DENND5B: variants seen among roughly 807,000 people sequenced by gnomAD.
DENND5B encodes the protein DENN domain-containing protein 5B.
A neutral mutation model predicts 140.6 loss-of-function variants in DENND5B; 34 were observed. That is an observed-to-expected ratio of 0.24 (90% CI 0.18 to 0.32). The LOEUF is 0.32. Ranked by LOEUF, DENND5B falls within the 10% of genes least tolerant of loss-of-function variation. The probability of loss-of-function intolerance (pLI) is 1.00; values close to 1 mark genes in which losing one functional copy is unlikely to be tolerated. For missense variants in DENND5B, 1,142 were observed against 1,560.2 expected (o/e 0.73, Z 4.52); for synonymous variants, 551 against 562.1 (o/e 0.98, Z 0.28).
intron 1 of DENND5B, among the ~76,000 whole-genome samples, chr12:31,504,354 A>T (rs930728986): frequency 6.6e-6 from 1 of 152,186 alleles, no homozygotes; most frequent in African/African-American, 2.4e-5. Context: ...AATGTAGATG[A>T]TGTTAGAATG....
rs76220669 is a variant in DENND5B, at chr12:31,427,825, T to C, written c.2107-1401A>G. Among the ~76,000 whole-genome samples the C allele has an allele frequency of 3.3e-4, 51 of 152,274 alleles. 2 individuals carry two copies. In the East Asian group the frequency reaches 9.6e-3, roughly 29 times the overall value. ...ACGGGCACATATGTGAAATCTATCCTTACTATCTTCAGAGGAGAGCTTGAT... is the reference window on the plus strand; with the variant it reads ...ACGGGCACATATGTGAAATCTATCCCTACTATCTTCAGAGGAGAGCTTGAT... On this transcript the variant is annotated intron_variant, in intron 8 of 20. Coordinates refer to ENST00000389082, the MANE Select transcript of DENND5B (RefSeq NM_144973.4).
chr12:31,505,007 G>C (rs1359644453), intron 1 of DENND5B, among the ~76,000 whole-genome samples: 1 of 152,100 alleles, frequency 6.6e-6, no homozygotes, highest in Non-Finnish European at 1.5e-5. Flanking sequence ...CACTAAACGT[G>C]AATGAGAAAA....
chr12:31,460,364 T>C lies in DENND5B; in HGVS notation c.922A>G (p.Thr308Ala), dbSNP rs1475006509. Reference sequence around the variant, plus strand: ...AGTGTGGTGATGCCTTCTGCCACAGTCATCAGGCGTTGATAATCTGCACAG... The same window carrying C: ...AGTGTGGTGATGCCTTCTGCCACAGCCATCAGGCGTTGATAATCTGCACAG... The part of the protein sequence containing the change: ...LYSQDYQRLM[T>A]VAEGITTLLF... Residue 308 changes from threonine to alanine, a missense_variant, in exon 4 of 21, where the codon ACT becomes GCT. Around this residue, in one of 5 missense-constraint regions of DENND5B, gnomAD observed 708 missense variants for 905.5 expected, o/e 0.78. Coordinates refer to ENST00000389082, the MANE Select transcript of DENND5B (RefSeq NM_144973.4). 1 of 1,613,832 alleles carries C rather than the reference T, an allele frequency of 6.2e-7. No individual in the cohort carries two copies. The highest frequency in any genetic ancestry group is 1.7e-5 in the Admixed American group (1 of 59,998).
chr12:31,420,813 T>A (rs1458819336), intron 11 of DENND5B, among the ~76,000 whole-genome samples: 2 of 152,194 alleles, frequency 1.3e-5, no homozygotes, highest in East Asian at 3.8e-4. Context: ...TAGGACCAAT[T>A]GTATTCTGAA....
chr12:31,453,140 TA>T (rs1262431198), intron 4 of DENND5B, among the ~76,000 whole-genome samples: 1 of 152,186 alleles, frequency 6.6e-6, no homozygotes, highest in Non-Finnish European at 1.5e-5. Flanking sequence ...CAAAATTCAC[TA>T]AACCTCCTAG....
At chr12:31,403,094 T>C (rs913115312) in intron 14 of DENND5B, among the ~76,000 whole-genome samples, 1 of 152,214 alleles carries the variant, frequency 6.6e-6, no homozygotes, top group African/African-American at 2.4e-5. Flanking sequence ...TTGGACAGTA[T>C]TGAGTTTCTT....
chr12:31,585,046 T>C (rs953805428), intron 1 of DENND5B, among the ~76,000 whole-genome samples: 1 of 151,968 alleles, frequency 6.6e-6, no homozygotes, highest in Non-Finnish European at 1.5e-5. Context: ...CTAGCTCTTG[T>C]GGGAACTCAT....
At position 31,451,934 on chromosome 12, in the gene DENND5B, T is replaced by C; in HGVS notation, c.1629+6A>G. On this transcript the variant is annotated splice_donor_region_variant and intron_variant, in intron 5 of 20. Coordinates refer to ENST00000389082, the MANE Select transcript of DENND5B (RefSeq NM_144973.4). ...ACCACAAAAGGAAAACTATGGTTCT[T>C]TTTACTTTGTCAAAGTTCTGCATCT... The C allele has an allele frequency of 6.2e-7, 1 of 1,612,996 alleles. No homozygotes were observed. Among genetic ancestry groups the C allele is most frequent in the Non-Finnish European group, 8.5e-7 (1 of 1,179,650 alleles).
chr12:31,568,096 G>C (rs746420681), intron 1 of DENND5B, among the ~76,000 whole-genome samples: 1 of 152,078 alleles, frequency 6.6e-6, no homozygotes, highest in African/African-American at 2.4e-5. Context: ...AATATGAAAT[G>C]CTCCAAAATC....
chr12:31,443,744 G>A (rs1433285411), intron 6 of DENND5B: 1 of 152,140 alleles, frequency 6.6e-6, no homozygotes, highest in Non-Finnish European at 1.5e-5. Flanking sequence ...ACAAGGAACG[G>A]TGTGAAGTTT....
At chr12:31,428,876 C>T (rs572310398) in intron 8 of DENND5B, among the ~76,000 whole-genome samples, 2 of 152,312 alleles carry the variant, frequency 1.3e-5, no homozygotes, top group Non-Finnish European at 1.5e-5. Context: ...GGACTACAGG[C>T]GTCTGCCACC....
At position 31,407,556 on chromosome 12, in the gene DENND5B, G is replaced by A. The variant is rs531803322; in HGVS notation, c.2803+1707C>T. Among the ~76,000 whole-genome samples the A allele has an allele frequency of 1.6e-3, 246 of 152,174 alleles. 1 individual carries two copies. Among genetic ancestry groups the A allele is most frequent in the Admixed American group, 2.6e-3 (39 of 15,270 alleles). ...CCAATTCCCTTTTCCTTTGTCTTCC[G>A]TTACCAGAGACTGGAAAGCCAAAAC... On this transcript the variant is annotated intron_variant, in intron 14 of 20. Transcript: ENST00000389082.
chr12:31,452,546 C>A, intron 4 of DENND5B, 70 bp from the exon 5 acceptor site: 1 of 1,460,226 alleles, frequency 6.8e-7, no homozygotes. Context: ...TTCTTGCCAG[C>A]CAGCCACAGT....
At chr12:31,546,977 G>C (rs1332600720) in intron 1 of DENND5B, among the ~76,000 whole-genome samples, 1 of 152,160 alleles carries the variant, frequency 6.6e-6, no homozygotes, top group African/African-American at 2.4e-5. Context: ...CAGAAACAAA[G>C]AGTCACACAT....
Position 31,511,158 on chromosome 12 carries a change from G to C in DENND5B, c.128-15239C>G, listed in dbSNP as rs544482287. On this transcript the variant is annotated intron_variant, in intron 1 of 20. Transcript: ENST00000389082. ...GGAGGCTGAGGCAGGAGGATCTCTT[G>C]AGCCCTGGAGTTCCAGACTGCAATG... is the stretch of plus-strand genomic sequence containing the variant. 2.0e-4 allele frequency among the ~76,000 whole-genome samples: 31 copies of C among 152,252 alleles called. No homozygotes were observed. In the East Asian group the frequency reaches 3.1e-3, roughly 15 times the overall value.
chr12:31,521,378 C>T (rs765088392), intron 1 of DENND5B, among the ~76,000 whole-genome samples: 8 of 151,722 alleles, frequency 5.3e-5, no homozygotes, highest in Non-Finnish European at 1.0e-4. Flanking sequence ...ACTCGAACTC[C>T]CGGGTTCAAG....
At chr12:31,566,828 C>G (rs1949650092) in intron 1 of DENND5B, among the ~76,000 whole-genome samples, 2 of 152,166 alleles carry the variant, frequency 1.3e-5, no homozygotes, top group Non-Finnish European at 2.9e-5. Context: ...TTCTTCTATA[C>G]AGCTAATTGG....
chr12:31,552,880 G>A (rs1323429361), intron 1 of DENND5B, among the ~76,000 whole-genome samples: 1 of 152,094 alleles, frequency 6.6e-6, no homozygotes, highest in Non-Finnish European at 1.5e-5. Context: ...ATCTCTGATG[G>A]TAGTTTGTAT....
chr12:31,388,161 T>C (rs1019329346), intron 20 of DENND5B, among the ~76,000 whole-genome samples: 2 of 151,180 alleles, frequency 1.3e-5, no homozygotes, highest in East Asian at 3.9e-4. Flanking sequence ...TGTTACTCTG[T>C]GGCAAGGCAT....
Sources: allele counts gnomAD v4.1 joint callset (sites outside exome capture counted in the v4.1 genomes callset), GRCh38; gene constraint gnomAD v4.1.1; regional missense constraint gnomAD v4.1.1; transcripts MANE v1.5; gene names NCBI Gene and HGNC (gene_info 2026-07-23, HGNC 2026-07-21).